The following DPYSL2 variants were observed in gnomAD, a reference collection of about 807,000 sequenced individuals.
The protein encoded by DPYSL2 is dihydropyrimidinase like 2.
A neutral mutation model predicts 69.9 loss-of-function variants in DPYSL2; 13 were observed. That is an observed-to-expected ratio of 0.19 (90% CI 0.12 to 0.30). The LOEUF (loss-of-function observed/expected upper bound fraction) is 0.30, where lower values mean the gene tolerates loss of function less well. Among genes scored for constraint, DPYSL2 ranks in the 10% least tolerant of loss-of-function variants. The pLI, the probability that DPYSL2 is intolerant of heterozygous loss-of-function variation, is 1.00. For synonymous variants in DPYSL2, 326 were observed against 359.1 expected (o/e 0.91, Z 1.04); for missense variants, 587 against 918.9 (o/e 0.64, Z 4.67).
At chr8:26,629,750 T>C (rs906598555) in intron 7 of DPYSL2, among the ~76,000 whole-genome samples, 3 of 152,172 alleles carry the variant, frequency 2.0e-5, no homozygotes, top group Non-Finnish European at 4.4e-5. Flanking sequence ...TTTTATTTTA[T>C]TTTATTTTAT....
chr8:26,598,866 A>G lies in DPYSL2; in HGVS notation c.628+14883A>G, dbSNP rs1443327165. Among the ~76,000 whole-genome samples, 1 of 152,054 alleles carries G rather than the reference A, an allele frequency of 6.6e-6. No homozygotes were observed. Among genetic ancestry groups the G allele is most frequent in the Non-Finnish European group, 1.5e-5 (1 of 68,016 alleles). On this transcript the variant is annotated intron_variant, in intron 3 of 13. Transcript: ENST00000521913. The surrounding 1 kb of genome is among the most constrained non-coding windows in gnomAD (Gnocchi z 4.2). ...ATGAAAGCCCAGAAAGGGATGTGGC[A>G]CTCGGGCAGGACGGGGGCTGCTTCT...
rs1459821191 is a variant in DPYSL2 at position 26,582,637 on chromosome 8, A to C, written c.443+580A>C. 6.6e-6 allele frequency among the ~76,000 whole-genome samples: 1 copy of C among 152,238 alleles called. No individual in the cohort carries two copies. The highest frequency in any genetic ancestry group is 2.4e-5 in the African/African-American group (1 of 41,458). The stretch of plus-strand genomic sequence containing the variant: ...GTGTTAATGTTACAAAGGAGAAGCA[A>C]CAGGGCAGTTCCTGAGTTTGGGTAT... On this transcript the variant is annotated intron_variant, in intron 2 of 13. Transcript: ENST00000521913. This position sits in a 1 kb window ranked among gnomAD's most constrained non-coding sequence, Gnocchi z 4.1.
intron 1 of DPYSL2, among the ~76,000 whole-genome samples, chr8:26,538,155 C>T (rs1439361778): frequency 6.6e-6 from 1 of 152,156 alleles, no homozygotes; most frequent in Non-Finnish European, 1.5e-5. Context: ...AGGTAGCTGT[C>T]AGATCGATTC....
rs150753504 is a variant in DPYSL2, at chr8:26,617,827, G to A, written c.629-6316G>A. 2.2e-3 allele frequency among the ~76,000 whole-genome samples: 337 copies of A among 152,312 alleles called. 2 individuals carry two copies. Among genetic ancestry groups the A allele is most frequent in the African/African-American group, 7.7e-3 (319 of 41,562 alleles). On this transcript the variant is annotated intron_variant, in intron 3 of 13. Coordinates refer to ENST00000521913, the MANE Select transcript of DPYSL2 (RefSeq NM_001197293.3). The surrounding 1 kb of genome is among the most constrained non-coding windows in gnomAD (Gnocchi z 4.7). ...GGAGACGGGAAGTAGATTGATGGTG[G>A]CCAGGGTTTGGGAGTAGCAGGGGTA...
At chr8:26,607,895 C>T (rs989124828) in intron 3 of DPYSL2, among the ~76,000 whole-genome samples, 15 of 151,784 alleles carry the variant, frequency 9.9e-5, no homozygotes, top group South Asian at 2.1e-4. Flanking sequence ...CTGGCTAACA[C>T]GGTGAAACCC....
chr8:26,559,802 G>A (rs1045078085), intron 1 of DPYSL2, among the ~76,000 whole-genome samples: 4 of 151,918 alleles, frequency 2.6e-5, no homozygotes, highest in African/African-American at 4.8e-5. Context: ...TTCTTGCTTT[G>A]AAGTCATGCT....
chr8:26,613,944 C>T (rs1227776720), intron 3 of DPYSL2, among the ~76,000 whole-genome samples: 2 of 151,998 alleles, frequency 1.3e-5, no homozygotes, highest in African/African-American at 4.8e-5. Context: ...CCTGCCTGGG[C>T]AACATGGGAG....
At position 26,605,682 on chromosome 8, in the gene DPYSL2, G is replaced by A. The variant is rs1201720533; in HGVS notation, c.629-18461G>A. On this transcript the variant is annotated intron_variant, in intron 3 of 13. Transcript: ENST00000521913. This position sits in a 1 kb window ranked among gnomAD's most constrained non-coding sequence, Gnocchi z 4.1. ...TGTATTAAAAATTAATAGCTTCCCT[G>A]TATGTCATAAATAACCAATCAGAAA... Among the ~76,000 whole-genome samples the A allele has an allele frequency of 1.3e-5, 2 of 152,122 alleles. No individual in the cohort carries two copies. The highest frequency in any genetic ancestry group is 2.9e-5 in the Non-Finnish European group (2 of 68,028).
rs1258502109 is a variant in DPYSL2, at chr8:26,650,254, C to T, written c.1597-2003C>T. 6.6e-6 allele frequency among the ~76,000 whole-genome samples: 1 copy of T among 152,206 alleles called. No individual in the cohort carries two copies. Among genetic ancestry groups the T allele is most frequent in the East Asian group, 1.9e-4 (1 of 5,180 alleles). ...GAGGGATGCATCCAAAGTCACATAG[C>T]TGGTGAATGGCATACCTGGGGTGTG... On this transcript the variant is annotated intron_variant, in intron 11 of 13. Transcript: ENST00000521913. The surrounding 1 kb of genome is among the most constrained non-coding windows in gnomAD (Gnocchi z 5.3).
intron 3 of DPYSL2, among the ~76,000 whole-genome samples, chr8:26,604,520 G>T (rs1386271583): frequency 4.6e-5 from 7 of 152,194 alleles, no homozygotes; most frequent in Non-Finnish European, 7.4e-5. Flanking sequence ...TCTTGAGAGA[G>T]GCTGAGGAAG....
intron 3 of DPYSL2, among the ~76,000 whole-genome samples, chr8:26,611,243 A>G (rs1346336656): frequency 1.3e-5 from 2 of 152,232 alleles, no homozygotes; most frequent in African/African-American, 4.8e-5. Flanking sequence ...CCCAGGGGAC[A>G]GTTACGGAAT....
rs139877758 is a variant in DPYSL2, at chr8:26,610,813, C to T, written c.629-13330C>T. ...CCTAAAGTATGTTTTTACTATTTAA[C>T]ACACGATTTTGTAGGCCCTACTGTT... On this transcript the variant is annotated intron_variant, in intron 3 of 13. Transcript: ENST00000521913. This position sits in a 1 kb window ranked among gnomAD's most constrained non-coding sequence, Gnocchi z 4.5. Among the ~76,000 whole-genome samples, 455 of 152,278 alleles carry T rather than the reference C, an allele frequency of 3.0e-3. 4 individuals carry two copies. The highest frequency in any genetic ancestry group is 0.01 in the African/African-American group (419 of 41,542).
At chr8:26,534,739 C>T (rs1384522670) in intron 1 of DPYSL2, among the ~76,000 whole-genome samples, 1 of 152,024 alleles carries the variant, frequency 6.6e-6, no homozygotes, top group Non-Finnish European at 1.5e-5. Context: ...CTCAAGTTAT[C>T]CTCCTGCCTT....
chr8:26,631,122 G>A (rs1563418391), intron 7 of DPYSL2, among the ~76,000 whole-genome samples: 1 of 152,150 alleles, frequency 6.6e-6, no homozygotes. Flanking sequence ...GAAAGAAAGG[G>A]CCCTGGCTTT....
At position 26,624,342 on chromosome 8, in the gene DPYSL2, T is replaced by C. The variant is rs1405033660; in HGVS notation, c.793+35T>C. On this transcript the variant is annotated intron_variant, in intron 4 of 13. Coordinates refer to ENST00000521913, the MANE Select transcript of DPYSL2 (RefSeq NM_001197293.3). This position sits in a 1 kb window ranked among gnomAD's most constrained non-coding sequence, Gnocchi z 4.7. ...ACTGAGTCAATGCCCTCTGCAGATG[T>C]TTCCGCTTCAGTCCATCAACTGGCA... The C allele has an allele frequency of 2.5e-6, 4 of 1,604,390 alleles. No homozygotes were observed. Among genetic ancestry groups the C allele is most frequent in the Non-Finnish European group, 3.4e-6 (4 of 1,173,500 alleles).
In DPYSL2 at chr8:26,621,001, A is replaced by C. The variant is rs143533763; in HGVS notation, c.629-3142A>C. On this transcript the variant is annotated intron_variant, in intron 3 of 13. Coordinates refer to ENST00000521913, the MANE Select transcript of DPYSL2 (RefSeq NM_001197293.3). The surrounding 1 kb of genome is among the most constrained non-coding windows in gnomAD (Gnocchi z 4.9). Reference sequence around the variant, plus strand: ...CACGTACATACATACACATACATACATGCCTCTTTCCTGATTTTATTTTAC... The same window carrying C: ...CACGTACATACATACACATACATACCTGCCTCTTTCCTGATTTTATTTTAC... Among the ~76,000 whole-genome samples, 36 of 152,262 alleles carry C rather than the reference A, an allele frequency of 2.4e-4. No individual in the cohort carries two copies. In the East Asian group the frequency reaches 4.6e-3, roughly 20 times the overall value.
At chr8:26,613,207 G>T (rs544832629) in intron 3 of DPYSL2, among the ~76,000 whole-genome samples, 5 of 152,184 alleles carry the variant, frequency 3.3e-5, no homozygotes, top group Admixed American at 6.5e-5. Context: ...ATACATCTGC[G>T]ACATCATCTT....
At chr8:26,530,704 T>G (rs1800496310) in intron 1 of DPYSL2, among the ~76,000 whole-genome samples, 1 of 152,224 alleles carries the variant, frequency 6.6e-6, no homozygotes, top group African/African-American at 2.4e-5. Flanking sequence ...TTCTTGAGAT[T>G]TCCTGGAAAG....
intron 1 of DPYSL2, chr8:26,578,278 T>C (rs1369952866): frequency 1.9e-6 from 3 of 1,614,022 alleles, no homozygotes; most frequent in Admixed American, 3.3e-5. Context: ...GGAAGAAAAA[T>C]ATTCCACGCA....
Sources: gnomAD v4.1 joint callset for allele counts (sites outside exome capture counted in the v4.1 genomes callset) on GRCh38, gnomAD v4.1.1 for gene constraint, Gnocchi (gnomAD v3.1) non-coding constraint, MANE v1.5 for transcripts, NCBI Gene and HGNC (gene_info 2026-07-23, HGNC 2026-07-21) for gene names.